Variants in RUNDC3A observed in about 807,000 individuals in gnomAD.
RUNDC3A encodes the protein RUN domain containing 3A.
In RUNDC3A, 28 loss-of-function variants were observed where a neutral mutation model predicts 53.9. The observed-to-expected ratio is 0.52, with a 90% confidence interval of 0.38 to 0.71. The LOEUF (loss-of-function observed/expected upper bound fraction) is 0.71, where lower values mean the gene tolerates loss of function less well. RUNDC3A is among the 30% of genes least tolerant of loss of function. The pLI, the probability that RUNDC3A is intolerant of heterozygous loss-of-function variation, is 0.00. For synonymous variants in RUNDC3A, 232 were observed against 249.4 expected (o/e 0.93, Z 0.66); for missense variants, 491 against 597.3 (o/e 0.82, Z 1.85).
intron 10 of RUNDC3A, 183 bp from the exon 11 acceptor site, chr17:44,317,913 C>T: frequency 1.6e-6 from 1 of 614,516 alleles, no homozygotes; most frequent in South Asian, 1.9e-5. Flanking sequence ...ATACAGTGTC[C>T]CCAGCACGGT....
At chr17:44,316,838 T>TG (rs2047875223) in intron 10 of RUNDC3A, 113 bp downstream of exon 10, 1 of 691,348 alleles carries the variant, frequency 1.4e-6, no homozygotes, top group Non-Finnish European at 2.3e-6. Flanking sequence ...TTTTTTTTTT[T>TG]TTGAGACGGA....
chr17:44,318,246 C>A lies in RUNDC3A; in HGVS notation c.*8C>A. On this transcript the variant is annotated 3_prime_UTR_variant, in exon 11 of 11. Transcript: ENST00000426726. Reference sequence around the variant, plus strand: ...GCACTGAGCCCCAGCTGAGGAACAGCATGGGCAGTGCCAGCCCCACCTGCC... The same window carrying A: ...GCACTGAGCCCCAGCTGAGGAACAGAATGGGCAGTGCCAGCCCCACCTGCC... The A allele has an allele frequency of 6.5e-7, 1 of 1,547,882 alleles. No individual in the cohort carries two copies. The highest frequency in any genetic ancestry group is 1.4e-5 in the African/African-American group (1 of 73,092).
chr17:44,315,706 GAC>G lies in RUNDC3A; in HGVS notation c.953+100_953+101del. Reference sequence around the variant, plus strand: ...ACTTCCATCGACTCTAACATCACCCGACACGAGCACCCACCTCTCCAGCATCA... The same window carrying G: ...ACTTCCATCGACTCTAACATCACCCGACGAGCACCCACCTCTCCAGCATCA... On this transcript the variant is annotated intron_variant, in intron 8 of 10. Transcript: ENST00000426726. The surrounding 1 kb of genome is among the most constrained non-coding windows in gnomAD (Gnocchi z 6.1). The G allele has an allele frequency of 8.7e-7, 1 of 1,145,916 alleles. No individual in the cohort carries two copies. The highest frequency in any genetic ancestry group is 1.1e-6 in the Non-Finnish European group (1 of 876,282). The allele number at this position is 1,145,916 out of a possible 1,614,324, so 71.0% of individuals were successfully genotyped here. A position where few individuals can be genotyped will look rare whatever the true frequency, so the allele number is the denominator to read the frequency against.
At chr17:44,317,665 T>G (rs992173756) in intron 10 of RUNDC3A, 4 of 670,304 alleles carry the variant, frequency 6.0e-6, no homozygotes, top group African/African-American at 1.8e-5. Flanking sequence ...TGACCCTAGA[T>G]CTTCTTTGAG....
In RUNDC3A at chr17:44,312,632, T is replaced by C; in HGVS notation, c.160T>C (p.Ser54Pro). 6.3e-7 allele frequency: 1 copy of C among 1,587,682 alleles called. No homozygotes were observed. Among genetic ancestry groups the C allele is most frequent in the Non-Finnish European group, 8.6e-7 (1 of 1,167,412 alleles). Residue 54 changes from serine to proline, a missense_variant, in exon 2 of 11, where the codon TCA becomes CCA. By Grantham distance (74) the Ser-to-Pro change is moderately conservative. Coordinates refer to ENST00000426726, the MANE Select transcript of RUNDC3A (RefSeq NM_001144825.2). ...EKYTAEPIDDSSEEFVNFAAI... is the reference protein window; with the variant it reads ...EKYTAEPIDDPSEEFVNFAAI... Reference sequence around the variant, plus strand: ...GTACACAGCGGAGCCCATCGATGACTCATCGGAGGAGTTTGTCAATTTTGC... The same window carrying C: ...GTACACAGCGGAGCCCATCGATGACCCATCGGAGGAGTTTGTCAATTTTGC...
At position 44,318,377 on chromosome 17, in the gene RUNDC3A, T is replaced by C. The variant is rs1326843120; in HGVS notation, c.*139T>C. 3 of 990,594 alleles carry C rather than the reference T, an allele frequency of 3.0e-6. No individual in the cohort carries two copies. The highest frequency in any genetic ancestry group is 1.6e-5 in the African/African-American group (1 of 61,868). The allele number at this position is 990,594 out of a possible 1,614,324, so 61.4% of individuals were successfully genotyped here. ...AGCCAGGGTTCTCTCGGGGAAGATC[T>C]CGTCTGCTCACCTTAGCTTTCTGCC... On this transcript the variant is annotated 3_prime_UTR_variant, in exon 11 of 11. Transcript: ENST00000426726.
rs898824105 is a variant in RUNDC3A at position 44,318,412 on chromosome 17, C to G, written c.*174C>G. 3.8e-6 allele frequency: 3 copies of G among 787,904 alleles called. No individual in the cohort carries two copies. In the East Asian group the frequency reaches 8.2e-5, roughly 22 times the overall value. 48.8% of individuals were successfully genotyped at this position (787,904 alleles called of 1,614,324 possible). On this transcript the variant is annotated 3_prime_UTR_variant, in exon 11 of 11. Coordinates refer to ENST00000426726, the MANE Select transcript of RUNDC3A (RefSeq NM_001144825.2). ...ACCTTAGCTTTCTGCCTTGGCAGCA[C>G]GGGCTGCGGAAGAAAGCACGCTGGG...
At chr17:44,317,201 G>A in intron 10 of RUNDC3A, 1 of 553,412 alleles carries the variant, frequency 1.8e-6, no homozygotes, top group South Asian at 2.1e-5. Context: ...CTTTGAGGTG[G>A]CAGAACACAG....
At chr17:44,313,824 G>A (rs2047799092) in intron 4 of RUNDC3A, 3 of 756,636 alleles carry the variant, frequency 4.0e-6, no homozygotes, top group African/African-American at 1.9e-5. Flanking sequence ...TGGGATTACA[G>A]GCATACGCCA....
Position 44,314,834 on chromosome 17 carries a change from G to C in RUNDC3A, c.548+10G>C. On this transcript the variant is annotated intron_variant, in intron 5 of 10. Coordinates refer to ENST00000426726, the MANE Select transcript of RUNDC3A (RefSeq NM_001144825.2). ...GCGCCATCGACTTCAGGTGGGGTCT[G>C]CCTGACGGCAGTGGTGGAGGGGGCT... is the stretch of plus-strand genomic sequence containing the variant. The C allele has an allele frequency of 6.2e-7, 1 of 1,613,938 alleles. No homozygotes were observed. The highest frequency in any genetic ancestry group is 8.5e-7 in the Non-Finnish European group (1 of 1,179,880).
Position 44,318,206 on chromosome 17 carries a change from C to A in RUNDC3A, c.1309C>A (p.Pro437Thr). ...CAACGAGTGCCTGGTGAGCGACAGT[C>A]CCGAGGGCAGCCCAGCACTGAGCCC... ...KSNECLVSDS[P>T]EGSPALSPS is the part of the protein sequence containing the mutation. Residue 437 changes from proline to threonine, a missense_variant, in exon 11 of 11, where the codon CCC (proline) becomes ACC (threonine). Pro to Thr is a conservative substitution (Grantham distance 38). Coordinates refer to ENST00000426726, the MANE Select transcript of RUNDC3A (RefSeq NM_001144825.2). The A allele has an allele frequency of 6.4e-7, 1 of 1,551,294 alleles. No homozygotes were observed. The highest frequency in any genetic ancestry group is 8.7e-7 in the Non-Finnish European group (1 of 1,146,994).
Position 44,315,326 on chromosome 17 carries a change from C to G in RUNDC3A, c.795+6C>G. The G allele has an allele frequency of 7.2e-7, 1 of 1,382,194 alleles. No individual in the cohort carries two copies. The highest frequency in any genetic ancestry group is 9.5e-7 in the Non-Finnish European group (1 of 1,056,372). The allele number at this position is 1,382,194 out of a possible 1,614,324, so 85.6% of individuals were successfully genotyped here. ...GCATCGTCTACGCGCAGAAGGTGCG[C>G]GACGCCGGCGGGCCCGGGGGGCGGG... On this transcript the variant is annotated splice_donor_region_variant and intron_variant, in intron 7 of 10. Transcript: ENST00000426726. The surrounding 1 kb of genome is among the most constrained non-coding windows in gnomAD (Gnocchi z 6.1).
chr17:44,313,768 G>T (rs1356105132), intron 4 of RUNDC3A: 27 of 1,049,508 alleles, frequency 2.6e-5, no homozygotes, highest in Middle Eastern at 3.8e-4. Context: ...TGCAACCTCC[G>T]CCTCCTGGGT....
chr17:44,315,098 C>G lies in RUNDC3A; in HGVS notation c.630-57C>G. The G allele has an allele frequency of 1.2e-6, 2 of 1,603,420 alleles. No homozygotes were observed. The highest frequency in any genetic ancestry group is 1.7e-5 in the Admixed American group (1 of 58,896). ...TGGTCCCACCGCCCTCAGCGGCCAG[C>G]GCAGACGCGCGGGGGGAGGGGCGGG... On this transcript the variant is annotated intron_variant, in intron 6 of 10. Transcript: ENST00000426726. The surrounding 1 kb of genome is among the most constrained non-coding windows in gnomAD (Gnocchi z 6.1).
chr17:44,315,536 G>A lies in RUNDC3A; in HGVS notation c.880G>A (p.Glu294Lys), dbSNP rs1337465397. The A allele has an allele frequency of 4.6e-6, 7 of 1,517,226 alleles. No homozygotes were observed. The highest frequency in any genetic ancestry group is 6.2e-6 in the Non-Finnish European group (7 of 1,133,056). 94.0% of individuals were successfully genotyped at this position (1,517,226 alleles called of 1,614,324 possible). A position where few individuals can be genotyped will look rare whatever the true frequency, so the allele number is the denominator to read the frequency against. ...GAACCGGCGGCTTCAGCTGCAGCTGGAGGAGGCGGCGGCGCAGAACCAGCG... is the reference window on the plus strand; with the variant it reads ...GAACCGGCGGCTTCAGCTGCAGCTGAAGGAGGCGGCGGCGCAGAACCAGCG... The part of the protein sequence containing the change: ...AENRRLQLQL[E>K]EAAAQNQREK... Residue 294 changes from glutamate (E) to lysine (K), a missense_variant, in exon 8 of 11, where the codon GAG becomes AAG. By Grantham distance (56) the Glu-to-Lys change is moderately conservative. Transcript: ENST00000426726. This position sits in a 1 kb window ranked among gnomAD's most constrained non-coding sequence, Gnocchi z 6.1.
intron 4 of RUNDC3A, chr17:44,314,274 G>C (rs1171748039): frequency 2.0e-6 from 2 of 1,012,282 alleles, no homozygotes; most frequent in Admixed American, 1.1e-4. Context: ...AAGGAGGAGT[G>C]TGCCTGTGTG....
chr17:44,312,760 C>T, intron 2 of RUNDC3A, 65 bp downstream of exon 2: 4 of 707,510 alleles, frequency 5.7e-6, no homozygotes, highest in Non-Finnish European at 9.3e-6. Context: ...GGTCCCTCCC[C>T]CAGCGCCCCT....
rs373038832 is a variant in RUNDC3A at position 44,315,016 on chromosome 17, G to C, written c.629+7G>C. 6.2e-7 allele frequency: 1 copy of C among 1,613,812 alleles called. No individual in the cohort carries two copies. Among genetic ancestry groups the C allele is most frequent in the South Asian group, 1.1e-5 (1 of 91,078 alleles). On this transcript the variant is annotated splice_region_variant and intron_variant, in intron 6 of 10. Coordinates refer to ENST00000426726, the MANE Select transcript of RUNDC3A (RefSeq NM_001144825.2). The surrounding 1 kb of genome is among the most constrained non-coding windows in gnomAD (Gnocchi z 6.1). ...ACCTAAAGTTCACGCAGAGGTGAGC[G>C]GCTCCATGACTGCGGCGGGGCGGGG...
In RUNDC3A at chr17:44,314,830, G is replaced by C. The variant is rs1217870514; in HGVS notation, c.548+6G>C. 1 of 1,613,958 alleles carries C rather than the reference G, an allele frequency of 6.2e-7. No individual in the cohort carries two copies. The highest frequency in any genetic ancestry group is 8.5e-7 in the Non-Finnish European group (1 of 1,179,868). ...CTGAGCGCCATCGACTTCAGGTGGG[G>C]TCTGCCTGACGGCAGTGGTGGAGGG... On this transcript the variant is annotated splice_donor_region_variant and intron_variant, in intron 5 of 10. Transcript: ENST00000426726.
Sources: allele counts gnomAD v4.1 joint callset, GRCh38; gene constraint gnomAD v4.1.1; non-coding constraint Gnocchi (gnomAD v3.1); transcripts MANE v1.5; gene names NCBI Gene and HGNC (gene_info 2026-07-23, HGNC 2026-07-21).